MFN1: variants seen among roughly 807,000 people sequenced by gnomAD.
The protein encoded by MFN1 is mitofusin 1.
Under a neutral mutation model 92.4 loss-of-function variants are expected in MFN1, and 65 were observed. That is an observed-to-expected ratio of 0.70 (90% confidence interval 0.58 to 0.86). MFN1 has a LOEUF of 0.86. Among genes scored for constraint, MFN1 ranks in the 40% least tolerant of loss-of-function variants. The pLI, the probability that MFN1 is intolerant of heterozygous loss-of-function variation, is 0.00. For synonymous variants in MFN1, 297 were observed against 300.9 expected, an observed-to-expected ratio of 0.99 and a Z score of 0.13; for missense variants, 781 against 868.0, an observed-to-expected ratio of 0.90 and a Z score of 1.26.
intron 14 of MFN1, among the ~76,000 whole-genome samples, chr3:179,383,887 A>G (rs1216597259): frequency 1.1e-4 from 17 of 152,186 alleles, no homozygotes; most frequent in Non-Finnish European, 1.8e-4. Flanking sequence ...TCAATTCAGT[A>G]ATTTTTTAGG....
At chr3:179,374,394 T>C (rs1279533158) in intron 9 of MFN1, among the ~76,000 whole-genome samples, 1 of 133,634 alleles carries the variant, frequency 7.5e-6, no homozygotes, top group Non-Finnish European at 1.5e-5. Flanking sequence ...ATATAACATA[T>C]ATATGTAATA....
chr3:179,363,198 G>A (rs1280589549), intron 5 of MFN1, among the ~76,000 whole-genome samples: 3 of 152,250 alleles, frequency 2.0e-5, no homozygotes, highest in Non-Finnish European at 2.9e-5. Flanking sequence ...CCCCCTCCGG[G>A]GTTCAAGCCA....
intron 2 of MFN1, among the ~76,000 whole-genome samples, chr3:179,350,746 A>G (rs1395712014): frequency 2.0e-5 from 3 of 152,250 alleles, no homozygotes; most frequent in African/African-American, 7.2e-5. Context: ...AATGCGTTAG[A>G]AAAGTATGGT....
At position 179,348,976 on chromosome 3, in the gene MFN1, T is replaced by G; in HGVS notation, c.112+13T>G. On this transcript the variant is annotated intron_variant, in intron 2 of 17. Coordinates refer to ENST00000471841, the MANE Select transcript of MFN1 (RefSeq NM_033540.3). ...CATTTTGTTGAAGGTTAGTTCTTCT[T>G]AAGTTTTTAAAGTAATTACTGTTGA... The G allele has an allele frequency of 1.3e-6, 2 of 1,571,114 alleles. No homozygotes were observed. Among genetic ancestry groups the G allele is most frequent in the Non-Finnish European group, 1.7e-6 (2 of 1,152,278 alleles).
intron 10 of MFN1, 23 bp downstream of exon 10, chr3:179,375,364 C>T: frequency 1.2e-6 from 2 of 1,606,234 alleles, no homozygotes; most frequent in Non-Finnish European, 1.7e-6. Context: ...TTTGTTGCAA[C>T]ATAAAAATGT....
intron 4 of MFN1, 47 bp downstream of exon 4, chr3:179,359,049 C>G: frequency 2.7e-6 from 4 of 1,501,762 alleles, no homozygotes; most frequent in Non-Finnish European, 3.6e-6. Flanking sequence ...AAACAATGTC[C>G]TGAACTTATT....
At chr3:179,350,437 C>T (rs759376899) in intron 2 of MFN1, among the ~76,000 whole-genome samples, 6 of 151,860 alleles carry the variant, frequency 4.0e-5, no homozygotes, top group Non-Finnish European at 7.4e-5. Flanking sequence ...TGAGCTGGCA[C>T]AGTTGACTTT....
At chr3:179,348,295 TTCTTGAGAAACCACC>T (rs1370044354) in intron 1 of MFN1, among the ~76,000 whole-genome samples, 1 of 152,244 alleles carries the variant, frequency 6.6e-6, no homozygotes, top group Admixed American at 6.5e-5. Flanking sequence ...TGGTGTCTTT[TTCTTGAGAAACCACC>T]TATGCTTTCT....
chr3:179,388,841 A>C (rs1222388437), intron 16 of MFN1, among the ~76,000 whole-genome samples: 1 of 152,232 alleles, frequency 6.6e-6, no homozygotes, highest in Non-Finnish European at 1.5e-5. Context: ...ATGAAGAGAA[A>C]TATTCAATGT....
At chr3:179,375,395 T>C (rs1462762868) in intron 10 of MFN1, 54 bp downstream of exon 10, 1 of 1,600,990 alleles carries the variant, frequency 6.2e-7, no homozygotes, top group African/African-American at 1.3e-5. Context: ...GTCAGACTTT[T>C]GTTAAGATGA....
chr3:179,358,284 G>A (rs1712425982), intron 3 of MFN1, among the ~76,000 whole-genome samples: 1 of 151,328 alleles, frequency 6.6e-6, no homozygotes, highest in Admixed American at 6.6e-5. Context: ...CTGAGTAGCT[G>A]GGATTACAGG....
chr3:179,373,558 CAT>C (rs1360282430), intron 9 of MFN1, among the ~76,000 whole-genome samples: 3 of 152,086 alleles, frequency 2.0e-5, no homozygotes, highest in Non-Finnish European at 2.9e-5. Flanking sequence ...AGAAAATAAA[CAT>C]GTCTCTTATA....
chr3:179,357,628 T>C (rs1712395369), intron 3 of MFN1, among the ~76,000 whole-genome samples: 1 of 152,190 alleles, frequency 6.6e-6, no homozygotes. Flanking sequence ...CCCAGTGATA[T>C]CTGGGACTTG....
At position 179,386,424 on chromosome 3, in the gene MFN1, A is replaced by T; in HGVS notation, c.1816-9A>T. On this transcript the variant is annotated splice_polypyrimidine_tract_variant and intron_variant, in intron 15 of 17. Transcript: ENST00000471841. ...CCTTCTCAGACTAAGCTATGACTTT[A>T]TCTTACAGATTTGGAAAACTATAGG... 1 of 1,608,272 alleles carries T rather than the reference A, an allele frequency of 6.2e-7. No homozygotes were observed. Among genetic ancestry groups the T allele is most frequent in the Non-Finnish European group, 8.5e-7 (1 of 1,177,726 alleles).
At chr3:179,351,706 A>C (rs1467816722) in intron 2 of MFN1, among the ~76,000 whole-genome samples, 194 bp from the exon 3 acceptor site, 1 of 152,142 alleles carries the variant, frequency 6.6e-6, no homozygotes, top group Non-Finnish European at 1.5e-5. Context: ...TGCAACTTTT[A>C]ATATTCTTGA....
chr3:179,378,464 G>A (rs1354550479), intron 13 of MFN1, 21 bp downstream of exon 13: 2 of 1,569,440 alleles, frequency 1.3e-6, no homozygotes, highest in South Asian at 1.2e-5. Context: ...TGTCTACAAG[G>A]TCATGTCTGG....
At chr3:179,361,835 G>T (rs947377188) in intron 4 of MFN1, among the ~76,000 whole-genome samples, 1 of 152,126 alleles carries the variant, frequency 6.6e-6, no homozygotes, top group Non-Finnish European at 1.5e-5. Context: ...ACCGCCCCCG[G>T]CCTAGCTCTC....
intron 14 of MFN1, among the ~76,000 whole-genome samples, chr3:179,383,419 T>C (rs1344857323): frequency 3.3e-5 from 5 of 152,134 alleles, no homozygotes; most frequent in Admixed American, 1.3e-4. Context: ...TTCTGTTCCA[T>C]TGGTCTATAT....
At chr3:179,371,466 ACC>A (rs1303006149) in intron 9 of MFN1, among the ~76,000 whole-genome samples, 1 of 152,168 alleles carries the variant, frequency 6.6e-6, no homozygotes, top group African/African-American at 2.4e-5. Flanking sequence ...CTATGGAGGT[ACC>A]ACTGTGCTCC....
Sources: allele counts gnomAD v4.1 joint callset (sites outside exome capture counted in the v4.1 genomes callset), GRCh38; gene constraint gnomAD v4.1.1; transcripts MANE v1.5; gene names NCBI Gene and HGNC (gene_info 2026-07-23, HGNC 2026-07-21).